The following ZNF385D variants were observed in gnomAD, a reference collection of about 807,000 sequenced individuals.
The protein encoded by ZNF385D is zinc finger protein 659.
In ZNF385D, 15 loss-of-function variants were observed where a neutral mutation model predicts 35.8. The observed-to-expected ratio is 0.42, with a 90% CI of 0.28 to 0.64. The LOEUF (loss-of-function observed/expected upper bound fraction) is 0.64. Ranked by LOEUF, ZNF385D falls within the 30% of genes least tolerant of loss-of-function variation. The probability of loss-of-function intolerance (pLI) is 0.23; values close to 1 mark genes in which losing one functional copy is unlikely to be tolerated. For missense variants in ZNF385D, 474 were observed against 494.6 expected, an observed-to-expected ratio of 0.96 and a Z score of 0.39; for synonymous variants, 212 against 186.8, an observed-to-expected ratio of 1.13 and a Z score of -1.10.
chr3:21,864,642 G>T (rs1264873334), intron 3 of ZNF385D, among the ~76,000 whole-genome samples: 2 of 152,020 alleles, frequency 1.3e-5, no homozygotes, highest in African/African-American at 2.4e-5. Flanking sequence ...TTTTCTCAGG[G>T]ACTAGACAAG....
intron 3 of ZNF385D, among the ~76,000 whole-genome samples, chr3:21,950,305 C>A (rs1702002982): frequency 6.6e-6 from 1 of 151,818 alleles, no homozygotes; most frequent in South Asian, 2.1e-4. Context: ...CTCTAATAAC[C>A]AGCTATGATG....
chr3:21,593,711 C>CT (rs202216534), intron 2 of ZNF385D, among the ~76,000 whole-genome samples: 10 of 151,366 alleles, frequency 6.6e-5, no homozygotes, highest in African/African-American at 1.2e-4. Context: ...ATATTATAGA[C>CT]TTTTTTTAAA....
intron 4 of ZNF385D, among the ~76,000 whole-genome samples, chr3:21,438,778 G>C (rs1701706370): frequency 6.6e-6 from 1 of 152,098 alleles, no homozygotes; most frequent in Non-Finnish European, 1.5e-5. Flanking sequence ...CTGCAAATCT[G>C]TGTCTCATGG....
At chr3:21,467,447 G>A (rs1477720965) in intron 4 of ZNF385D, among the ~76,000 whole-genome samples, 1 of 152,102 alleles carries the variant, frequency 6.6e-6, no homozygotes, top group Non-Finnish European at 1.5e-5. Flanking sequence ...TAGTTTTTGG[G>A]GGGAACAAAA....
In ZNF385D at chr3:21,757,235, G is replaced by A. The variant is rs190517876; in HGVS notation, c.326-92207C>T. On this transcript the variant is annotated intron_variant, in intron 3 of 5. Transcript: ENST00000494108. Reference sequence around the variant, plus strand: ...CAACCTCTGCCTCCTGGGTTCAAGCGATTCTCGTGCCTCAGCCTCACTATA... The same window carrying A: ...CAACCTCTGCCTCCTGGGTTCAAGCAATTCTCGTGCCTCAGCCTCACTATA... 2.5e-3 allele frequency among the ~76,000 whole-genome samples: 376 copies of A among 148,002 alleles called. 1 individual carries two copies. The highest frequency in any genetic ancestry group is 3.8e-3 in the Non-Finnish European group (255 of 67,142).
chr3:21,552,151 C>T (rs895881121), intron 3 of ZNF385D, among the ~76,000 whole-genome samples: 2 of 152,096 alleles, frequency 1.3e-5, no homozygotes, highest in African/African-American at 4.8e-5. Flanking sequence ...AGATAAATTC[C>T]AGATTTACCT....
intron 2 of ZNF385D, among the ~76,000 whole-genome samples, chr3:22,204,105 C>G (rs1696989591): frequency 6.6e-6 from 1 of 152,014 alleles, no homozygotes; most frequent in East Asian, 1.9e-4. Context: ...TTGCTTCTTA[C>G]ACGACTTCCC....
At position 22,116,954 on chromosome 3, in the gene ZNF385D, A is replaced by G. The variant is rs1432293211; in HGVS notation, c.325+51863T>C. ...CATTTGGCCATCATAACCACCCTAT[A>G]CAATGGTTAAAATTTGTTACCCTCT... On this transcript the variant is annotated intron_variant, in intron 3 of 5. Transcript: ENST00000494108. Among the ~76,000 whole-genome samples the G allele has an allele frequency of 2.0e-5, 3 of 152,002 alleles. No individual in the cohort carries two copies. The East Asian group carries it at 5.8e-4, about 29-fold the overall frequency.
intron 4 of ZNF385D, among the ~76,000 whole-genome samples, chr3:21,501,000 G>A (rs1408675993): frequency 6.6e-6 from 1 of 152,070 alleles, no homozygotes; most frequent in Admixed American, 6.6e-5. Flanking sequence ...ATATCCCCAC[G>A]TGTGTAGAAC....
At chr3:21,775,911 A>G (rs560882877) in intron 3 of ZNF385D, among the ~76,000 whole-genome samples, 2 of 151,896 alleles carry the variant, frequency 1.3e-5, no homozygotes, top group African/African-American at 4.8e-5. Flanking sequence ...AATAATGTAA[A>G]GAAGAAAATA....
intron 3 of ZNF385D, among the ~76,000 whole-genome samples, chr3:21,786,639 G>T (rs543819083): frequency 1.3e-5 from 2 of 152,142 alleles, no homozygotes; most frequent in Non-Finnish European, 2.9e-5. Flanking sequence ...CTGTGATCTG[G>T]AACAGTACAG....
chr3:21,813,415 G>A (rs1317450720), intron 3 of ZNF385D, among the ~76,000 whole-genome samples: 3 of 152,172 alleles, frequency 2.0e-5, no homozygotes, highest in Non-Finnish European at 2.9e-5. Context: ...AGCTAAAGGA[G>A]GATGTCTGAA....
intron 3 of ZNF385D, among the ~76,000 whole-genome samples, chr3:21,814,702 A>G (rs950924861): frequency 6.6e-6 from 1 of 152,224 alleles, no homozygotes; most frequent in South Asian, 2.1e-4. Flanking sequence ...AGCGACCTCC[A>G]AAGAGACTTA....
intron 2 of ZNF385D, among the ~76,000 whole-genome samples, chr3:21,589,195 T>G (rs2063899259): frequency 6.6e-6 from 1 of 152,094 alleles, no homozygotes; most frequent in African/African-American, 2.4e-5. Flanking sequence ...AAAAAATGAC[T>G]TTAGAGAAAA....
chr3:21,870,648 C>T (rs916797055), intron 3 of ZNF385D, among the ~76,000 whole-genome samples: 5 of 152,058 alleles, frequency 3.3e-5, no homozygotes, highest in African/African-American at 1.2e-4. Flanking sequence ...ATTCAAATGG[C>T]CAACTGTTAT....
chr3:21,463,134 A>G (rs1329563532), intron 4 of ZNF385D, among the ~76,000 whole-genome samples: 2 of 152,220 alleles, frequency 1.3e-5, no homozygotes, highest in African/African-American at 2.4e-5. Context: ...AGTATTACAA[A>G]TCATTTTATT....
intron 2 of ZNF385D, among the ~76,000 whole-genome samples, chr3:22,211,493 G>A (rs1697520229): frequency 6.6e-6 from 1 of 151,916 alleles, no homozygotes; most frequent in Non-Finnish European, 1.5e-5. Context: ...TCTTACATGA[G>A]CATTTGGAAT....
At chr3:21,915,822 G>A (rs1214774791) in intron 3 of ZNF385D, among the ~76,000 whole-genome samples, 3 of 152,026 alleles carry the variant, frequency 2.0e-5, no homozygotes, top group African/African-American at 7.2e-5. Context: ...GCAAACTGAG[G>A]GCTAGTTGGA....
At chr3:21,480,976 C>T (rs573938054) in intron 4 of ZNF385D, among the ~76,000 whole-genome samples, 21 of 152,182 alleles carry the variant, frequency 1.4e-4, no homozygotes, top group African/African-American at 5.1e-4. Context: ...AATCTTTAAA[C>T]ATTTATTTTA....
Sources: gnomAD v4.1 joint callset for allele counts (sites outside exome capture counted in the v4.1 genomes callset) on GRCh38, gnomAD v4.1.1 for gene constraint, MANE v1.5 for transcripts, NCBI Gene and HGNC (gene_info 2026-07-23, HGNC 2026-07-21) for gene names.